RGP1: variants seen among roughly 807,000 people sequenced by gnomAD.
RGP1 encodes RAB6A-GEF complex partner protein 2.
In RGP1, 28 loss-of-function variants were observed where a neutral mutation model predicts 44.5. The observed-to-expected ratio is 0.63, with a 90% CI of 0.47 to 0.86. RGP1 has a LOEUF of 0.86. Ranked by LOEUF, RGP1 falls within the 40% of genes least tolerant of loss-of-function variation. RGP1 has a pLI of 0.00. For missense variants in RGP1, 417 were observed against 490.7 expected, an observed-to-expected ratio of 0.85 and a Z score of 1.42; for synonymous variants, 212 against 196.7, an observed-to-expected ratio of 1.08 and a Z score of -0.65.
chr9:35,763,546 A>AT (rs1452805306), downstream of RGP1, among the ~76,000 whole-genome samples: 1 of 152,214 alleles, frequency 6.6e-6, no homozygotes, highest in Non-Finnish European at 1.5e-5. Flanking sequence ...ACATGCATGC[A>AT]TTTTTTAAAA....
At chr9:35,775,773 CT>C in the RGP1 span, among the ~76,000 whole-genome samples, 1 of 152,142 alleles carries the variant, frequency 6.6e-6, no homozygotes, top group Non-Finnish European at 1.5e-5. Flanking sequence ...CAAGCAAACT[CT>C]TTTAAAAAAA....
chr9:35,751,613 C>T lies in RGP1; in HGVS notation c.635-14C>T. On this transcript the variant is annotated splice_polypyrimidine_tract_variant and intron_variant, in intron 6 of 8. Coordinates refer to ENST00000378078, the MANE Select transcript of RGP1 (RefSeq NM_001080496.3). Reference sequence around the variant, plus strand: ...TATGTAGACTCCAGGCTTATAGTGTCCTATTCTCCCCAGATCTATACAATA... The same window carrying T: ...TATGTAGACTCCAGGCTTATAGTGTTCTATTCTCCCCAGATCTATACAATA... The T allele has an allele frequency of 6.2e-7, 1 of 1,613,888 alleles. No homozygotes were observed. Among genetic ancestry groups the T allele is most frequent in the Non-Finnish European group, 8.5e-7 (1 of 1,179,862 alleles).
chr9:35,753,464 C>T lies in RGP1; in HGVS notation c.*590C>T. On this transcript the variant is annotated 3_prime_UTR_variant, in exon 9 of 9. Coordinates refer to ENST00000378078, the MANE Select transcript of RGP1 (RefSeq NM_001080496.3). This position sits in a 1 kb window ranked among gnomAD's most constrained non-coding sequence, Gnocchi z 4.2. ...TTGTTTTATAACAGGAGTATTTTCT[C>T]TCCAGGTCCACCCCAACCTCCCCTG... 1.3e-6 allele frequency: 1 copy of T among 785,222 alleles called. No homozygotes were observed. Among genetic ancestry groups the T allele is most frequent in the East Asian group, 2.7e-5 (1 of 37,206 alleles). 48.6% of individuals were successfully genotyped at this position (785,222 alleles called of 1,614,324 possible).
the RGP1 span, among the ~76,000 whole-genome samples, chr9:35,769,978 A>C: frequency 6.6e-6 from 1 of 152,196 alleles, no homozygotes; most frequent in African/African-American, 2.4e-5. Flanking sequence ...GGGGGCAGGG[A>C]CTGCTTCAGT....
At chr9:35,750,788 G>A (rs374460048) in intron 4 of RGP1, 47 bp downstream of exon 4, 38 of 1,613,750 alleles carry the variant, frequency 2.4e-5, no homozygotes, top group Non-Finnish European at 3.1e-5. Flanking sequence ...GTCTCCTGGA[G>A]GGAGGACTCC....
At position 35,752,737 on chromosome 9, in the gene RGP1, C is replaced by T. The variant is rs563711595; in HGVS notation, c.1039C>T (p.Pro347Ser). 5 of 1,613,796 alleles carry T rather than the reference C, an allele frequency of 3.1e-6. 1 individual carries two copies. In the South Asian group the frequency reaches 3.3e-5, roughly 11 times the overall value. ...VLLPPVEQPEPTTWTGPEQVP... is the reference protein window; with the variant it reads ...VLLPPVEQPESTTWTGPEQVP... ...CCTACCCCCTGTGGAACAGCCCGAA[C>T]CTACCACCTGGACAGGACCTGAGCA... Residue 347 changes from proline to serine, a missense_variant, in exon 9 of 9, where the codon CCT (proline) becomes TCT (serine). By Grantham distance (74) the Pro-to-Ser change is moderately conservative. Transcript: ENST00000378078.
At chr9:35,751,135 G>A in intron 5 of RGP1, 131 bp from the exon 6 acceptor site, 1 of 1,452,100 alleles carries the variant, frequency 6.9e-7, no homozygotes. Context: ...GAGGGTTCTG[G>A]AGATAGAGAT....
the RGP1 span, among the ~76,000 whole-genome samples, chr9:35,783,408 C>T: frequency 5.9e-5 from 9 of 152,244 alleles, no homozygotes; most frequent in Admixed American, 2.0e-4. Flanking sequence ...CAAGGGAACA[C>T]TGGAACTTAC....
the RGP1 span, among the ~76,000 whole-genome samples, chr9:35,775,428 C>T: frequency 4.6e-5 from 7 of 152,086 alleles, no homozygotes; most frequent in Admixed American, 6.6e-5. Flanking sequence ...TCTAGGGAAG[C>T]TGGGGCCAAA....
At position 35,753,763 on chromosome 9, in the gene RGP1, A is replaced by T; in HGVS notation, c.*889A>T. 1 of 1,613,642 alleles carries T rather than the reference A, an allele frequency of 6.2e-7. No homozygotes were observed. The stretch of plus-strand genomic sequence containing the variant: ...GTAAAATATTTCCCCTCATAGTGAC[A>T]GGGGGCTAGGGAAGAACGGGAAATG... On this transcript the variant is annotated 3_prime_UTR_variant, in exon 9 of 9. Transcript: ENST00000378078. This position sits in a 1 kb window ranked among gnomAD's most constrained non-coding sequence, Gnocchi z 4.2.
At chr9:35,775,831 G>T in the RGP1 span, among the ~76,000 whole-genome samples, 1 of 152,128 alleles carries the variant, frequency 6.6e-6, no homozygotes, top group Non-Finnish European at 1.5e-5. Flanking sequence ...GCTGATGGTG[G>T]GATGTAGTTC....
At chr9:35,764,554 G>A in the RGP1 span, among the ~76,000 whole-genome samples, 1 of 152,098 alleles carries the variant, frequency 6.6e-6, no homozygotes, top group African/African-American at 2.4e-5. Context: ...CATTTAAAAT[G>A]TACAATTCAG....
rs1827223818 is a variant in RGP1 at position 35,750,372 on chromosome 9, A to G, written c.246A>G (p.Pro82=). 1 of 1,613,910 alleles carries G rather than the reference A, an allele frequency of 6.2e-7. No individual in the cohort carries two copies. Among genetic ancestry groups the G allele is most frequent in the South Asian group, 1.1e-5 (1 of 91,074 alleles). The change falls in exon 3 of 9, where the codon CCA becomes CCG. Residue 82 remains proline, a synonymous_variant. Coordinates refer to ENST00000378078, the MANE Select transcript of RGP1 (RefSeq NM_001080496.3). ...VQPDSQTVFL[P]HRGERGQCIL... The stretch of plus-strand genomic sequence containing the variant: ...CCGACAGCCAGACTGTCTTTCTGCC[A>G]CACCGAGGTTAGAGAGGGGCATTTG...
Position 35,753,827 on chromosome 9 carries a change from T to C in RGP1, c.*953T>C. On this transcript the variant is annotated 3_prime_UTR_variant, in exon 9 of 9. Coordinates refer to ENST00000378078, the MANE Select transcript of RGP1 (RefSeq NM_001080496.3). This position sits in a 1 kb window ranked among gnomAD's most constrained non-coding sequence, Gnocchi z 4.2. The stretch of plus-strand genomic sequence containing the variant: ...GAGTGCTGATGAGAGGCAGAGGCTC[T>C]TCTGGTCTGGGGTGGAGACAGTAAG... 6.4e-7 allele frequency: 1 copy of C among 1,555,662 alleles called. No individual in the cohort carries two copies. The highest frequency in any genetic ancestry group is 8.9e-7 in the Non-Finnish European group (1 of 1,129,616).
the RGP1 span, among the ~76,000 whole-genome samples, chr9:35,774,684 G>A: frequency 2.6e-5 from 4 of 152,092 alleles, no homozygotes; most frequent in Middle Eastern, 3.4e-3. Context: ...AGATTGTGCC[G>A]CTGCATTCCA....
the RGP1 span, among the ~76,000 whole-genome samples, chr9:35,775,865 A>G: frequency 6.6e-6 from 1 of 152,208 alleles, no homozygotes; most frequent in Non-Finnish European, 1.5e-5. Context: ...ACGGACCCCT[A>G]ATAATTACCA....
chr9:35,765,996 G>C, the RGP1 span, among the ~76,000 whole-genome samples: 1 of 151,272 alleles, frequency 6.6e-6, no homozygotes, highest in African/African-American at 2.4e-5. Context: ...CCCCATACCT[G>C]GCTAATTTTT....
chr9:35,786,993 G>A, the RGP1 span, among the ~76,000 whole-genome samples: 6 of 151,560 alleles, frequency 4.0e-5, no homozygotes, highest in Middle Eastern at 3.4e-3. Flanking sequence ...CCAGCTACTC[G>A]GGAGGCTGAG....
rs898060430 is a variant in RGP1 at position 35,749,961 on chromosome 9, C to G, written c.116+90C>G. The G allele has an allele frequency of 8.8e-6, 9 of 1,020,062 alleles. No homozygotes were observed. The highest frequency in any genetic ancestry group is 1.3e-5 in the Non-Finnish European group (9 of 672,460). 63.2% of individuals were successfully genotyped at this position (1,020,062 alleles called of 1,614,324 possible). A position where few individuals can be genotyped will look rare whatever the true frequency, so the allele number is the denominator to read the frequency against. ...AGGCAGAGCTCAGGTTGTCCTGTAG[C>G]GACACCACCTCCTCTTGCTCACTGT... On this transcript the variant is annotated intron_variant, in intron 2 of 8. Coordinates refer to ENST00000378078, the MANE Select transcript of RGP1 (RefSeq NM_001080496.3). The surrounding 1 kb of genome is among the most constrained non-coding windows in gnomAD (Gnocchi z 4.4).
Sources: gnomAD v4.1 joint callset for allele counts (sites outside exome capture counted in the v4.1 genomes callset) on GRCh38, gnomAD v4.1.1 for gene constraint, Gnocchi (gnomAD v3.1) non-coding constraint, MANE v1.5 for transcripts, NCBI Gene and HGNC (gene_info 2026-07-23, HGNC 2026-07-21) for gene names.